The following KIF26B variants were observed in gnomAD, a reference collection of about 807,000 sequenced individuals.
KIF26B encodes the protein kinesin family member 26B.
KIF26B carries 63 observed loss-of-function variants against 151.2 expected under a neutral mutation model. The ratio of observed to expected loss-of-function variants is 0.42; its 90% CI spans 0.34 to 0.51. KIF26B has a LOEUF of 0.51. KIF26B is among the 20% of genes least tolerant of loss of function. KIF26B has a pLI of 0.07. For missense variants in KIF26B, 2,813 were observed against 2,913.6 expected, an observed-to-expected ratio of 0.97 and a Z score of 0.79; for synonymous variants, 1,357 against 1,262.1, an observed-to-expected ratio of 1.08 and a Z score of -1.59.
At chr1:245,638,501 G>T (rs1392742488) in intron 9 of KIF26B, among the ~76,000 whole-genome samples, 2 of 151,712 alleles carry the variant, frequency 1.3e-5, no homozygotes, top group Non-Finnish European at 3.0e-5. Context: ...TGCTGGCTAG[G>T]AATTCTAGTA....
intron 2 of KIF26B, among the ~76,000 whole-genome samples, chr1:245,228,763 C>T (rs1340027206): frequency 6.6e-6 from 1 of 152,090 alleles, no homozygotes; most frequent in East Asian, 1.9e-4. Context: ...CATTTTGCAG[C>T]TGAAATGTAG....
In KIF26B at chr1:245,318,896, A is replaced by G. The variant is rs1023090312; in HGVS notation, c.466-47938A>G. Among the ~76,000 whole-genome samples, 3 of 149,484 alleles carry G rather than the reference A, an allele frequency of 2.0e-5. No individual in the cohort carries two copies. Among genetic ancestry groups the G allele is most frequent in the Non-Finnish European group, 4.4e-5 (3 of 67,442 alleles). ...CCAAGATTGATGAGGAAAAAAAAAC[A>G]AAAACCAAAATCTACTGCATTTTAC... On this transcript the variant is annotated intron_variant, in intron 2 of 14. Coordinates refer to ENST00000407071, the MANE Select transcript of KIF26B (RefSeq NM_018012.4). The surrounding 1 kb of genome is among the most constrained non-coding windows in gnomAD (Gnocchi z 4.0).
At position 245,667,388 on chromosome 1, in the gene KIF26B, A is replaced by G. The variant is rs1218377805; in HGVS notation, c.2259-16845A>G. 1.3e-5 allele frequency among the ~76,000 whole-genome samples: 2 copies of G among 152,152 alleles called. No individual in the cohort carries two copies. The highest frequency in any genetic ancestry group is 4.8e-5 in the African/African-American group (2 of 41,438). ...GAGATGGGGTTTCGCCATGTGTCCC[A>G]GGCTGGTCTCAAACTCCTGGATTCA... is the stretch of plus-strand genomic sequence containing the variant. On this transcript the variant is annotated intron_variant, in intron 10 of 14. Coordinates refer to ENST00000407071, the MANE Select transcript of KIF26B (RefSeq NM_018012.4). The surrounding 1 kb of genome is among the most constrained non-coding windows in gnomAD (Gnocchi z 4.3).
At chr1:245,417,258 A>AT (rs1179288361) in intron 3 of KIF26B, among the ~76,000 whole-genome samples, 3 of 151,782 alleles carry the variant, frequency 2.0e-5, no homozygotes, top group East Asian at 3.9e-4. Flanking sequence ...TTATTATTGG[A>AT]TTTTTTTCTA....
At chr1:245,625,745 CTG>C (rs2043716670) in intron 9 of KIF26B, among the ~76,000 whole-genome samples, 2 of 152,078 alleles carry the variant, frequency 1.3e-5, no homozygotes, top group South Asian at 4.1e-4. Context: ...GTATTTGTAA[CTG>C]TTAACCCACC....
rs767292994 is a variant in KIF26B, at chr1:245,574,703, G to A, written c.1351-27874G>A. On this transcript the variant is annotated intron_variant, in intron 5 of 14. Transcript: ENST00000407071. ...AAGGCCAGGCAAGGCACTGCCTAAC[G>A]TTGTGACTAACATCGTGGGTGTGAC... is the stretch of plus-strand genomic sequence containing the variant. Among the ~76,000 whole-genome samples, 5 of 152,136 alleles carry A rather than the reference G, an allele frequency of 3.3e-5. No homozygotes were observed. The South Asian group carries it at 1.0e-3, about 32-fold the overall frequency.
At chr1:245,665,232 C>G (rs2044199911) in intron 10 of KIF26B, among the ~76,000 whole-genome samples, 1 of 152,120 alleles carries the variant, frequency 6.6e-6, no homozygotes, top group Non-Finnish European at 1.5e-5. Context: ...GCTTCAGAGG[C>G]TGAGCTTTTT....
chr1:245,631,713 G>C (rs2043783306), intron 9 of KIF26B, among the ~76,000 whole-genome samples: 1 of 152,092 alleles, frequency 6.6e-6, no homozygotes, highest in African/African-American at 2.4e-5. Flanking sequence ...AAAGTCCTGG[G>C]CTTTTCTTTG....
chr1:245,344,545 G>A (rs1311413884), intron 2 of KIF26B, among the ~76,000 whole-genome samples: 1 of 148,228 alleles, frequency 6.7e-6, no homozygotes, highest in East Asian at 2.0e-4. Flanking sequence ...GTACATGAAT[G>A]TGGATAATGA....
intron 2 of KIF26B, among the ~76,000 whole-genome samples, chr1:245,189,428 C>T (rs1669056263): frequency 6.6e-6 from 1 of 152,188 alleles, no homozygotes. Flanking sequence ...AAACAGCAAA[C>T]TGTCATTTAA....
chr1:245,324,552 G>A (rs1671948624), intron 2 of KIF26B, among the ~76,000 whole-genome samples: 1 of 152,160 alleles, frequency 6.6e-6, no homozygotes, highest in Non-Finnish European at 1.5e-5. Context: ...GAAGCTGAGT[G>A]CTTGTGGTTG....
chr1:245,681,191 G>A (rs1477361883), intron 10 of KIF26B, among the ~76,000 whole-genome samples: 2 of 151,142 alleles, frequency 1.3e-5, no homozygotes, highest in African/African-American at 4.9e-5. Flanking sequence ...CCTTTTATCC[G>A]GTCTTTGGTA....
At chr1:245,681,652 G>A (rs1175498818) in intron 10 of KIF26B, among the ~76,000 whole-genome samples, 1 of 152,200 alleles carries the variant, frequency 6.6e-6, no homozygotes, top group Non-Finnish European at 1.5e-5. Context: ...TGGAAGAGAT[G>A]AAAAGTGGCT....
chr1:245,525,921 A>G (rs1486872929), intron 4 of KIF26B, among the ~76,000 whole-genome samples: 1 of 149,054 alleles, frequency 6.7e-6, no homozygotes, highest in African/African-American at 2.6e-5. Flanking sequence ...TTTGCTCCAG[A>G]TTCTGCCAAA....
At chr1:245,623,026 GTTTTTTTT>G (rs56666383) in intron 9 of KIF26B, among the ~76,000 whole-genome samples, 21 of 111,872 alleles carry the variant, frequency 1.9e-4, no homozygotes, top group Non-Finnish European at 3.3e-4. Flanking sequence ...TCGTGAGCAA[GTTTTTTTT>G]TTTTTTTTTT....
chr1:245,681,279 G>C (rs891613557), intron 10 of KIF26B, among the ~76,000 whole-genome samples: 1 of 151,106 alleles, frequency 6.6e-6, no homozygotes, highest in Admixed American at 6.6e-5. Context: ...GCGCGATCAC[G>C]GCTCACTGCA....
At chr1:245,500,132 A>C (rs12731953) in intron 4 of KIF26B, among the ~76,000 whole-genome samples, 47,094 of 152,148 alleles carry the variant, frequency 0.31, 7,976 homozygotes, top group Middle Eastern at 0.4. Flanking sequence ...AGTGTACAGC[A>C]TTCAAAGCTA....
At chr1:245,172,550 C>T (rs1265913810) in intron 2 of KIF26B, among the ~76,000 whole-genome samples, 1 of 152,120 alleles carries the variant, frequency 6.6e-6, no homozygotes, top group Non-Finnish European at 1.5e-5. Flanking sequence ...TGGCTCACAC[C>T]TGTAATGCCA....
chr1:245,323,630 G>A (rs1671927946), intron 2 of KIF26B, among the ~76,000 whole-genome samples: 1 of 152,158 alleles, frequency 6.6e-6, no homozygotes, highest in Non-Finnish European at 1.5e-5. Flanking sequence ...CAGTCCACCG[G>A]AAAGTGCCAC....
Sources: gnomAD v4.1 joint callset for allele counts (sites outside exome capture counted in the v4.1 genomes callset) on GRCh38, gnomAD v4.1.1 for gene constraint, Gnocchi (gnomAD v3.1) non-coding constraint, MANE v1.5 for transcripts, NCBI Gene and HGNC (gene_info 2026-07-23, HGNC 2026-07-21) for gene names.